MTUS1: variants seen among roughly 807,000 people sequenced by gnomAD.
MTUS1 encodes microtubule-associated tumor suppressor 1.
In MTUS1, 109 loss-of-function variants were observed where a neutral mutation model predicts 120.8. The ratio of observed to expected loss-of-function variants is 0.90; its 90% confidence interval spans 0.77 to 1.06. MTUS1 has a LOEUF of 1.06. Ranked by LOEUF, MTUS1 falls within the 50% of genes least tolerant of loss-of-function variation. MTUS1 has a pLI of 0.00. For missense variants in MTUS1, 2,210 were observed against 1,486.3 expected (o/e 1.49, Z -8.01); for synonymous variants, 737 against 550.5 (o/e 1.34, Z -4.74).
At chr8:17,792,829 C>A (rs1181844034) in intron 1 of MTUS1, among the ~76,000 whole-genome samples, 5 of 152,242 alleles carry the variant, frequency 3.3e-5, no homozygotes, top group Non-Finnish European at 7.3e-5. Flanking sequence ...ACACCACTGT[C>A]CTCCAGCCTG....
At chr8:17,764,066 T>C (rs994808288) in intron 1 of MTUS1, among the ~76,000 whole-genome samples, 2 of 152,182 alleles carry the variant, frequency 1.3e-5, no homozygotes, top group South Asian at 2.1e-4. Context: ...TATACCTGAA[T>C]GTTTTAAAGG....
At chr8:17,649,116 T>G (rs1806442924) in intron 13 of MTUS1, among the ~76,000 whole-genome samples, 1 of 151,644 alleles carries the variant, frequency 6.6e-6, no homozygotes, top group East Asian at 1.9e-4. Context: ...TGAGATGGAG[T>G]CTTGCTATGT....
chr8:17,658,924 T>C (rs527577219), intron 8 of MTUS1, among the ~76,000 whole-genome samples: 1 of 151,922 alleles, frequency 6.6e-6, no homozygotes, highest in African/African-American at 2.4e-5. Context: ...CCTTAAAAAT[T>C]AAATCAATCT....
At chr8:17,668,474 T>C (rs12546703) in intron 8 of MTUS1, among the ~76,000 whole-genome samples, 10,492 of 152,268 alleles carry the variant, frequency 0.069, 557 homozygotes, top group East Asian at 0.24. Flanking sequence ...GCAAAATGTC[T>C]GCTGCAGATG....
intron 3 of MTUS1, among the ~76,000 whole-genome samples, chr8:17,739,284 G>A (rs950368327): frequency 2.0e-5 from 3 of 151,628 alleles, no homozygotes; most frequent in African/African-American, 7.3e-5. Context: ...ACCTGAGGTC[G>A]GGAGTTGGAG....
chr8:17,681,227 C>T (rs1305636769), intron 7 of MTUS1, among the ~76,000 whole-genome samples: 1 of 152,164 alleles, frequency 6.6e-6, no homozygotes. Context: ...AGCCACAGCG[C>T]CCGGCCTGCA....
chr8:17,749,979 TAGAG>T (rs1563317667), intron 2 of MTUS1, among the ~76,000 whole-genome samples: 3 of 151,964 alleles, frequency 2.0e-5, no homozygotes, highest in African/African-American at 7.3e-5. Flanking sequence ...CTGAGCTCAA[TAGAG>T]ACTTAGTAAC....
At chr8:17,790,097 C>T (rs1459119337) in intron 1 of MTUS1, among the ~76,000 whole-genome samples, 1 of 152,038 alleles carries the variant, frequency 6.6e-6, no homozygotes, top group African/African-American at 2.4e-5. Context: ...ACCTGTAATC[C>T]CAGCACTTTG....
At chr8:17,721,732 G>A (rs1051641637) in intron 4 of MTUS1, 3 of 1,580,810 alleles carry the variant, frequency 1.9e-6, no homozygotes, top group Non-Finnish European at 2.6e-6. Flanking sequence ...AGTAAACGTG[G>A]CTAACAAAGG....
Position 17,681,739 on chromosome 8 carries a change from G to C in MTUS1, c.2838+2589C>G, listed in dbSNP as rs577907904. The stretch of plus-strand genomic sequence containing the variant: ...CATGATAATAACATTAAAAGGGGCA[G>C]TTGTTGCCAAATGATAAAGAGCCTT... On this transcript the variant is annotated intron_variant, in intron 7 of 14. Coordinates refer to ENST00000693296, the MANE Select transcript of MTUS1 (RefSeq NM_001363059.2). 4 of 154,866 alleles carry C rather than the reference G, an allele frequency of 2.6e-5. No homozygotes were observed. In the South Asian group the frequency reaches 6.1e-4, roughly 24 times the overall value. The allele number at this position is 154,866 out of a possible 1,614,324, so 9.6% of individuals were successfully genotyped here.
At chr8:17,735,031 G>C (rs2904730) in intron 3 of MTUS1, among the ~76,000 whole-genome samples, 28,826 of 152,004 alleles carry the variant, frequency 0.19, 2,855 homozygotes, top group African/African-American at 0.21. Context: ...CCTGTCTCAG[G>C]CTCCCGAGTA....
In MTUS1 at chr8:17,645,879, A is replaced by C; in HGVS notation, c.*47T>G. On this transcript the variant is annotated 3_prime_UTR_variant, in exon 15 of 15. Transcript: ENST00000693296. ...TTCCTCCTTGGGGTCAGTCCTGCAG[A>C]CCTGCATCAAAATGCTTTCAGAGAG... 2.5e-6 allele frequency: 4 copies of C among 1,578,738 alleles called. No individual in the cohort carries two copies. The highest frequency in any genetic ancestry group is 3.4e-6 in the Non-Finnish European group (4 of 1,162,700).
At chr8:17,711,969 T>C (rs1321500365) in intron 6 of MTUS1, among the ~76,000 whole-genome samples, 1 of 152,212 alleles carries the variant, frequency 6.6e-6, no homozygotes, top group Non-Finnish European at 1.5e-5. Flanking sequence ...GTTCACTGTC[T>C]TAGATGAGCA....
chr8:17,764,315 T>C (rs894590078), intron 1 of MTUS1, among the ~76,000 whole-genome samples: 6 of 151,970 alleles, frequency 3.9e-5, no homozygotes, highest in African/African-American at 1.5e-4. Context: ...CTCACTGATA[T>C]TGTTCAGAAA....
chr8:17,771,127 C>A (rs1406533526), intron 1 of MTUS1, among the ~76,000 whole-genome samples: 1 of 152,134 alleles, frequency 6.6e-6, no homozygotes, highest in Non-Finnish European at 1.5e-5. Flanking sequence ...CCAATAAGTT[C>A]TTAGGAGTGT....
Position 17,745,416 on chromosome 8 carries a change from G to A in MTUS1, c.2092-1617C>T, listed in dbSNP as rs577031425. 7.9e-5 allele frequency among the ~76,000 whole-genome samples: 12 copies of A among 152,298 alleles called. No homozygotes were observed. The South Asian group carries it at 2.5e-3, about 32-fold the overall frequency. Reference sequence around the variant, plus strand: ...GTGGATTCAACATAGTATTCAGCATGTAGTAAGTTCAAGTTTTGCTTTTTG... The same window carrying A: ...GTGGATTCAACATAGTATTCAGCATATAGTAAGTTCAAGTTTTGCTTTTTG... On this transcript the variant is annotated intron_variant, in intron 2 of 14. Coordinates refer to ENST00000693296, the MANE Select transcript of MTUS1 (RefSeq NM_001363059.2).
At chr8:17,650,324 G>T (rs1806714944) in intron 12 of MTUS1, among the ~76,000 whole-genome samples, 1 of 152,162 alleles carries the variant, frequency 6.6e-6, no homozygotes, top group African/African-American at 2.4e-5. Flanking sequence ...GGGAACAACA[G>T]TTCTCTCCTA....
chr8:17,656,544 A>ACCCC (rs781054052), intron 8 of MTUS1, among the ~76,000 whole-genome samples: 3 of 68,668 alleles, frequency 4.4e-5, no homozygotes, highest in African/African-American at 1.3e-4. Context: ...AAACAAACAA[A>ACCCC]ACCCCCCCCC....
At chr8:17,720,829 G>C (rs1295111338) in intron 4 of MTUS1, among the ~76,000 whole-genome samples, 1 of 152,104 alleles carries the variant, frequency 6.6e-6, no homozygotes, top group Non-Finnish European at 1.5e-5. Context: ...AGCACATTTG[G>C]TATAGAAACC....
Sources: allele counts gnomAD v4.1 joint callset (sites outside exome capture counted in the v4.1 genomes callset), GRCh38; gene constraint gnomAD v4.1.1; transcripts MANE v1.5; gene names NCBI Gene and HGNC (gene_info 2026-07-23, HGNC 2026-07-21).